CTNNA2: variants seen among roughly 807,000 people sequenced by gnomAD.
CTNNA2 encodes the protein catenin alpha 2.
A neutral mutation model predicts 101.0 loss-of-function variants in CTNNA2; 42 were observed. The observed-to-expected ratio is 0.42, with a 90% CI of 0.32 to 0.54. The LOEUF (loss-of-function observed/expected upper bound fraction) is 0.54. Among genes scored for constraint, CTNNA2 ranks in the 20% least tolerant of loss-of-function variants. CTNNA2 has a pLI of 0.14. For synonymous variants in CTNNA2, 450 were observed against 456.4 expected, an observed-to-expected ratio of 0.99 and a Z score of 0.18; for missense variants, 871 against 1,223.1, an observed-to-expected ratio of 0.71 and a Z score of 4.29.
chr2:79,804,240 T>C (rs1326318496), intron 3 of CTNNA2, among the ~76,000 whole-genome samples: 2 of 152,220 alleles, frequency 1.3e-5, no homozygotes, highest in African/African-American at 2.4e-5. Flanking sequence ...ACTATATTCA[T>C]ATATTGCCAA....
chr2:80,592,630 A>G (rs1434669924), intron 15 of CTNNA2, among the ~76,000 whole-genome samples: 1 of 152,192 alleles, frequency 6.6e-6, no homozygotes, highest in Admixed American at 6.5e-5. Context: ...GCAGCTCATT[A>G]GTAAAATTTC....
At chr2:79,999,497 T>C (rs1271030863) in intron 7 of CTNNA2, among the ~76,000 whole-genome samples, 1 of 152,320 alleles carries the variant, frequency 6.6e-6, no homozygotes, top group Admixed American at 6.5e-5. Flanking sequence ...GAGATAGGCA[T>C]GGAATGGTAC....
At chr2:80,021,086 C>T (rs769935288) in intron 7 of CTNNA2, among the ~76,000 whole-genome samples, 20 of 140,790 alleles carry the variant, frequency 1.4e-4, no homozygotes, top group Non-Finnish European at 2.5e-4. Flanking sequence ...ACTGCATGAT[C>T]GTGGCTCACT....
intron 7 of CTNNA2, among the ~76,000 whole-genome samples, chr2:79,957,065 A>G (rs966865170): frequency 6.9e-6 from 1 of 144,168 alleles, no homozygotes; most frequent in African/African-American, 2.4e-5. Context: ...AACTTCAGTG[A>G]TAGAGAAGCC....
intron 7 of CTNNA2, among the ~76,000 whole-genome samples, chr2:80,104,527 A>G (rs981640370): frequency 6.6e-6 from 1 of 152,142 alleles, no homozygotes; most frequent in Non-Finnish European, 1.5e-5. Flanking sequence ...GCAGAATACA[A>G]TTTTGTTTGT....
intron 3 of CTNNA2, among the ~76,000 whole-genome samples, chr2:79,837,994 T>C (rs980764415): frequency 1.3e-5 from 2 of 152,158 alleles, no homozygotes; most frequent in Admixed American, 6.5e-5. Context: ...ATTATGAATA[T>C]TTATTATAAT....
intron 18 of CTNNA2, among the ~76,000 whole-genome samples, chr2:80,642,437 G>A (rs1374297594): frequency 6.6e-6 from 1 of 152,058 alleles, no homozygotes; most frequent in Non-Finnish European, 1.5e-5. Flanking sequence ...ATGTCTATTT[G>A]TGTTTCTATA....
intron 7 of CTNNA2, among the ~76,000 whole-genome samples, chr2:79,966,748 C>T (rs531109496): frequency 2.6e-5 from 4 of 152,300 alleles, no homozygotes; most frequent in South Asian, 2.1e-4. Context: ...ATCCAAATGT[C>T]GTATCTTTTA....
At chr2:79,782,623 CA>C (rs1674538806) in intron 3 of CTNNA2, among the ~76,000 whole-genome samples, 1 of 152,188 alleles carries the variant, frequency 6.6e-6, no homozygotes, top group South Asian at 2.1e-4. Flanking sequence ...TATCTTCCCC[CA>C]CAGATGCAGT....
chr2:79,830,386 C>T (rs913222297), intron 3 of CTNNA2, among the ~76,000 whole-genome samples: 1 of 152,046 alleles, frequency 6.6e-6, no homozygotes, highest in East Asian at 1.9e-4. Context: ...GCATCTGCTC[C>T]GCAGTGGGAG....
At chr2:80,247,407 C>A (rs1296892261) in intron 7 of CTNNA2, among the ~76,000 whole-genome samples, 1 of 152,134 alleles carries the variant, frequency 6.6e-6, no homozygotes, top group Non-Finnish European at 1.5e-5. Context: ...CATCTTAAAG[C>A]CTTACCATTC....
At chr2:79,951,235 G>A (rs1048693097) in intron 7 of CTNNA2, among the ~76,000 whole-genome samples, 1 of 152,158 alleles carries the variant, frequency 6.6e-6, no homozygotes, top group Non-Finnish European at 1.5e-5. Context: ...AATAATCTGT[G>A]GGACTTACTA....
Position 80,162,971 on chromosome 2 carries a change from C to T in CTNNA2, c.1057-230240C>T, listed in dbSNP as rs868125583. The T allele has an allele frequency of 2.1e-5, 33 of 1,540,770 alleles. No individual in the cohort carries two copies. In the Middle Eastern group the frequency reaches 1.0e-3, roughly 47 times the overall value. On this transcript the variant is annotated intron_variant, in intron 7 of 18. Coordinates refer to ENST00000402739, the MANE Select transcript of CTNNA2 (RefSeq NM_001282597.3). ...GGGGATATGGCAAACTGACATCTTG[C>T]GAGGCATGACTACTTCCTGATCTAA... is the stretch of plus-strand genomic sequence containing the variant.
chr2:79,840,213 C>T (rs996385131), intron 3 of CTNNA2, among the ~76,000 whole-genome samples: 1 of 152,150 alleles, frequency 6.6e-6, no homozygotes, highest in Non-Finnish European at 1.5e-5. Flanking sequence ...TTGTCTTTGC[C>T]ACAGGGCATT....
At chr2:80,128,771 G>T (rs1185613068) in intron 7 of CTNNA2, among the ~76,000 whole-genome samples, 3 of 152,082 alleles carry the variant, frequency 2.0e-5, no homozygotes, top group Non-Finnish European at 4.4e-5. Context: ...CCCCGGAAAC[G>T]ATTCCAAAAT....
At chr2:80,123,331 A>G (rs988294546) in intron 7 of CTNNA2, among the ~76,000 whole-genome samples, 13 of 152,156 alleles carry the variant, frequency 8.5e-5, no homozygotes, top group South Asian at 2.1e-4. Flanking sequence ...GCAGAAACAC[A>G]TATTACAGGT....
intron 3 of CTNNA2, among the ~76,000 whole-genome samples, chr2:79,364,377 C>T (rs1033562732): frequency 6.6e-6 from 1 of 152,194 alleles, no homozygotes; most frequent in Non-Finnish European, 1.5e-5. Flanking sequence ...GATCCACTGT[C>T]ACTATAGGGC....
intron 4 of CTNNA2, among the ~76,000 whole-genome samples, chr2:79,503,169 C>G (rs1442776115): frequency 6.6e-6 from 1 of 151,950 alleles, no homozygotes; most frequent in Non-Finnish European, 1.5e-5. Context: ...CTTCTAGCAC[C>G]AACATTTTTT....
intron 9 of CTNNA2, among the ~76,000 whole-genome samples, chr2:80,434,802 C>G (rs1200490095): frequency 2.6e-5 from 4 of 152,048 alleles, no homozygotes; most frequent in Non-Finnish European, 4.4e-5. Context: ...AAAGAAATTC[C>G]TGGCTCAATG....
Sources: gnomAD v4.1 joint callset for allele counts (sites outside exome capture counted in the v4.1 genomes callset) on GRCh38, gnomAD v4.1.1 for gene constraint, MANE v1.5 for transcripts, NCBI Gene and HGNC (gene_info 2026-07-23, HGNC 2026-07-21) for gene names.